CNOT1: variants seen among roughly 807,000 people sequenced by gnomAD.
The protein encoded by CNOT1 is CCR4-associated factor 1.
A neutral mutation model predicts 273.8 loss-of-function variants in CNOT1; 15 were observed. The observed-to-expected ratio is 0.05, with a 90% confidence interval of 0.04 to 0.08. The LOEUF is 0.08. Ranked by LOEUF, CNOT1 falls within the 10% of genes least tolerant of loss-of-function variation. The pLI is 1.00. For missense variants in CNOT1, 1,644 were observed against 2,912.2 expected (o/e 0.56, Z 10.02); for synonymous variants, 1,022 against 1,005.5 (o/e 1.02, Z -0.31).
chr16:58,550,012 TAAAGA>T, intron 24 of CNOT1, 114 bp from the exon 25 acceptor site: 2 of 1,478,488 alleles, frequency 1.4e-6, no homozygotes, highest in Non-Finnish European at 1.8e-6. Flanking sequence ...AACTAGATGC[TAAAGA>T]ATGACTTTCC....
At chr16:58,536,829 A>C (rs1567391711) in intron 39 of CNOT1, 160 bp downstream of exon 39, 1 of 1,233,020 alleles carries the variant, frequency 8.1e-7, no homozygotes, top group East Asian at 2.6e-5. Flanking sequence ...AACCATGAGA[A>C]AACAGGCTGT....
chr16:58,549,989 T>C (rs2040398922), intron 24 of CNOT1, 91 bp from the exon 25 acceptor site: 5 of 1,548,700 alleles, frequency 3.2e-6, no homozygotes, highest in Middle Eastern at 1.7e-4. Flanking sequence ...AGCACATGGC[T>C]CCTTGCAAAA....
chr16:58,588,001 G>A (rs1385277831), intron 3 of CNOT1, 123 bp from the exon 4 acceptor site: 9 of 1,042,896 alleles, frequency 8.6e-6, no homozygotes, highest in Admixed American at 5.8e-5. Context: ...TATCAAAATC[G>A]GCTCTTTAAA....
At chr16:58,619,715 C>T (rs968949269) in intron 1 of CNOT1, among the ~76,000 whole-genome samples, 1 of 152,032 alleles carries the variant, frequency 6.6e-6, no homozygotes, top group Non-Finnish European at 1.5e-5. Context: ...TGAGCCACCG[C>T]GCGTAGCCAA....
chr16:58,539,480 C>CACACAG (rs1555494953), intron 35 of CNOT1, among the ~76,000 whole-genome samples: 1 of 148,584 alleles, frequency 6.7e-6, no homozygotes, highest in Non-Finnish European at 1.5e-5. Flanking sequence ...CACACACACA[C>CACACAG]ACACACACAC....
intron 40 of CNOT1, chr16:58,532,718 A>G (rs184173474): frequency 4.2e-6 from 1 of 237,432 alleles, no homozygotes; most frequent in East Asian, 8.6e-5. Context: ...ATAACAATCT[A>G]ATTTGTCTGG....
Position 58,532,040 on chromosome 16 carries a change from G to C in CNOT1, c.6095C>G (p.Pro2032Arg). Residue 2032 changes from proline (P) to arginine (R), a missense_variant, in exon 42 of 49, where the codon CCT becomes CGT. Transcript: ENST00000317147. ...TFHILRPTKAPGFVYAWLELI... is the reference protein window; with the variant it reads ...TFHILRPTKARGFVYAWLELI... ...TTCAAGCCAGGCATATACAAAGCCA[G>C]GAGCTTTGGTAGGCCTCAAGATGTG... 6.2e-7 allele frequency: 1 copy of C among 1,614,168 alleles called. No individual in the cohort carries two copies. The highest frequency in any genetic ancestry group is 8.5e-7 in the Non-Finnish European group (1 of 1,180,048).
At chr16:58,601,150 T>C (rs949231777) in intron 1 of CNOT1, among the ~76,000 whole-genome samples, 2 of 152,196 alleles carry the variant, frequency 1.3e-5, no homozygotes, top group African/African-American at 4.8e-5. Context: ...AAGAAGGGGT[T>C]TCGCCATGTT....
chr16:58,610,238 C>A (rs2042846064), intron 1 of CNOT1, among the ~76,000 whole-genome samples: 1 of 152,132 alleles, frequency 6.6e-6, no homozygotes, highest in Non-Finnish European at 1.5e-5. Flanking sequence ...GCCAACATGG[C>A]AAAACCCCAT....
chr16:58,562,537 G>C (rs866567423), intron 16 of CNOT1, among the ~76,000 whole-genome samples: 3 of 149,972 alleles, frequency 2.0e-5, no homozygotes, highest in Middle Eastern at 7.3e-3. Flanking sequence ...AAGCGGCGGG[G>C]GGGCGGCCAG....
rs1200081237 is a variant in CNOT1, at chr16:58,547,662, T to C, written c.3543A>G (p.Lys1181=). The stretch of plus-strand genomic sequence containing the variant: ...AACGATCTGAGAAATTGGCTGCAGC[T>C]TTATCAGAGGTCAGGAGCACCTGAA... ...RNIKVLLTSD[K]AAANFSDRSL... Residue 1181 remains lysine (K), a synonymous_variant, in exon 26 of 49, where the codon AAA becomes AAG. Transcript: ENST00000317147. This position sits in a 1 kb window ranked among gnomAD's most constrained non-coding sequence, Gnocchi z 4.0. 5 of 1,613,644 alleles carry C rather than the reference T, an allele frequency of 3.1e-6. No individual in the cohort carries two copies. The highest frequency in any genetic ancestry group is 1.7e-5 in the Admixed American group (1 of 59,986).
At chr16:58,606,796 A>G (rs114294163) in intron 1 of CNOT1, among the ~76,000 whole-genome samples, 2,266 of 151,526 alleles carry the variant, frequency 0.015, 45 homozygotes, top group African/African-American at 0.052. Context: ...AGAGCAAGAC[A>G]CCGTATCAAA....
intron 39 of CNOT1, among the ~76,000 whole-genome samples, chr16:58,536,412 G>T (rs2151909934): frequency 6.6e-6 from 1 of 152,246 alleles, no homozygotes; most frequent in African/African-American, 2.4e-5. Context: ...CATTTTTCCT[G>T]TTCATCCTAT....
rs754813194 is a variant in CNOT1 at position 58,575,102 on chromosome 16, G to C, written c.1732C>G (p.Pro578Ala). ...KALSMLLNGT[P>A]FAFVIDLAAL... ...GCAAGGTCAATAACAAAGGCAAATGGAGTACCATTTAGCAGCATTGACAAG... is the reference window on the plus strand; with the variant it reads ...GCAAGGTCAATAACAAAGGCAAATGCAGTACCATTTAGCAGCATTGACAAG... Residue 578 changes from proline (P) to alanine (A), a missense_variant, in exon 15 of 49, where the codon CCA (proline) becomes GCA (alanine). Physicochemically the swap from Pro to Ala is conservative, Grantham distance 27. Transcript: ENST00000317147. 3.1e-6 allele frequency: 5 copies of C among 1,613,932 alleles called. No individual in the cohort carries two copies. The African/African-American group carries it at 5.3e-5, about 17-fold the overall frequency.
intron 10 of CNOT1, 142 bp from the exon 11 acceptor site, chr16:58,581,657 T>G: frequency 7.8e-7 from 1 of 1,281,818 alleles, no homozygotes; most frequent in Non-Finnish European, 1.0e-6. Context: ...AAACCCATTC[T>G]TTTTTTTTCT....
intron 1 of CNOT1, among the ~76,000 whole-genome samples, chr16:58,612,341 C>A (rs190195614): frequency 6.6e-6 from 1 of 152,102 alleles, no homozygotes; most frequent in African/African-American, 2.4e-5. Flanking sequence ...AACTGATAAC[C>A]AAGTTTGACC....
At chr16:58,534,084 A>G in intron 40 of CNOT1, 63 bp downstream of exon 40, 1 of 1,283,666 alleles carries the variant, frequency 7.8e-7, no homozygotes, top group Middle Eastern at 2.8e-4. Context: ...TAATAATAAT[A>G]AATAAATAAA....
At chr16:58,611,453 A>C (rs2042896360) in intron 1 of CNOT1, among the ~76,000 whole-genome samples, 1 of 151,786 alleles carries the variant, frequency 6.6e-6, no homozygotes, top group South Asian at 2.1e-4. Flanking sequence ...AAAATAAATA[A>C]ACTCCCCAGT....
chr16:58,606,428 A>C (rs1341946798), intron 1 of CNOT1, among the ~76,000 whole-genome samples: 1 of 152,116 alleles, frequency 6.6e-6, no homozygotes, highest in African/African-American at 2.4e-5. Flanking sequence ...AACTGAGGGG[A>C]ACAAAGATTG....
Sources: allele counts gnomAD v4.1 joint callset (sites outside exome capture counted in the v4.1 genomes callset), GRCh38; gene constraint gnomAD v4.1.1; non-coding constraint Gnocchi (gnomAD v3.1); transcripts MANE v1.5; gene names NCBI Gene and HGNC (gene_info 2026-07-23, HGNC 2026-07-21).